The following SRPK2 variants were observed in gnomAD, a reference collection of about 807,000 sequenced individuals.
SRPK2 encodes SFRS protein kinase 2.
SRPK2 carries 21 observed loss-of-function variants against 90.8 expected under a neutral mutation model. That is an observed-to-expected ratio of 0.23 (90% CI 0.16 to 0.33). SRPK2 has a LOEUF of 0.33. SRPK2 is among the 10% of genes least tolerant of loss of function. SRPK2 has a pLI of 1.00. For missense variants in SRPK2, 620 were observed against 869.0 expected (o/e 0.71, Z 3.60); for synonymous variants, 288 against 311.1 (o/e 0.93, Z 0.78).
chr7:105,274,906 T>C (rs1355153752), intron 2 of SRPK2, among the ~76,000 whole-genome samples: 7 of 146,512 alleles, frequency 4.8e-5, no homozygotes, highest in Non-Finnish European at 9.1e-5. Context: ...TTTTTTTTTT[T>C]CCTTGAAGAC....
intron 7 of SRPK2, among the ~76,000 whole-genome samples, chr7:105,149,625 T>C (rs962182921): frequency 2.6e-5 from 4 of 152,290 alleles, no homozygotes; most frequent in African/African-American, 7.2e-5. Context: ...CCCACCCGAC[T>C]AGAAATACCC....
chr7:105,380,026 C>T (rs1015958182), intron 2 of SRPK2, among the ~76,000 whole-genome samples: 24 of 152,302 alleles, frequency 1.6e-4, no homozygotes, highest in Non-Finnish European at 3.1e-4. Flanking sequence ...CCTGCAGTCC[C>T]AGCTACTTGG....
At chr7:105,151,013 T>G (rs893082494) in intron 7 of SRPK2, among the ~76,000 whole-genome samples, 1 of 152,134 alleles carries the variant, frequency 6.6e-6, no homozygotes, top group African/African-American at 2.4e-5. Flanking sequence ...AGTGTGCAAA[T>G]GTGTTCACAT....
intron 2 of SRPK2, among the ~76,000 whole-genome samples, chr7:105,366,149 G>A (rs768689578): frequency 3.7e-4 from 56 of 151,138 alleles, no homozygotes; most frequent in Non-Finnish European, 5.5e-4. Flanking sequence ...CACCGCACCC[G>A]GCCTAATGAT....
chr7:105,202,278 A>G (rs1450042457), intron 3 of SRPK2, among the ~76,000 whole-genome samples: 3 of 152,252 alleles, frequency 2.0e-5, no homozygotes, highest in Admixed American at 1.3e-4. Flanking sequence ...ATCTATATCT[A>G]CTAGATAAAT....
chr7:105,237,364 T>A (rs1800264765), intron 2 of SRPK2, among the ~76,000 whole-genome samples: 1 of 152,240 alleles, frequency 6.6e-6, no homozygotes. Flanking sequence ...ATCTTCTCAG[T>A]ACATTCTGAA....
intron 2 of SRPK2, among the ~76,000 whole-genome samples, chr7:105,320,625 A>G (rs1167835731): frequency 6.6e-6 from 1 of 152,224 alleles, no homozygotes; most frequent in East Asian, 1.9e-4. Context: ...TTATAGTTAT[A>G]AAGCTAATTT....
rs146174552 is a variant in SRPK2, at chr7:105,255,363, T to C, written c.72-51578A>G. On this transcript the variant is annotated intron_variant, in intron 2 of 15. Transcript: ENST00000393651. ...ACTATCCTCCATCATAACCTTCTAC[T>C]GTGATCTGCATTTTCTCTGACCCCC... 3.9e-5 allele frequency among the ~76,000 whole-genome samples: 6 copies of C among 152,144 alleles called. No individual in the cohort carries two copies. In the South Asian group the frequency reaches 8.3e-4, roughly 21 times the overall value.
At chr7:105,323,699 A>G (rs2131578946) in intron 2 of SRPK2, among the ~76,000 whole-genome samples, 1 of 152,348 alleles carries the variant, frequency 6.6e-6, no homozygotes, top group East Asian at 1.9e-4. Flanking sequence ...CTTGCCTTTT[A>G]GAGTGAATAT....
At chr7:105,327,419 TA>T (rs1240977095) in intron 2 of SRPK2, among the ~76,000 whole-genome samples, 1 of 152,200 alleles carries the variant, frequency 6.6e-6, no homozygotes, top group African/African-American at 2.4e-5. Context: ...AGGTCTAAAT[TA>T]TTTATCTGGT....
chr7:105,318,762 C>G (rs1027642011), intron 2 of SRPK2, among the ~76,000 whole-genome samples: 1 of 152,204 alleles, frequency 6.6e-6, no homozygotes, highest in Non-Finnish European at 1.5e-5. Context: ...CTCCAGAAAA[C>G]TCTTGCACAC....
chr7:105,251,608 A>G (rs536924084), intron 2 of SRPK2, among the ~76,000 whole-genome samples: 49 of 152,320 alleles, frequency 3.2e-4, no homozygotes, highest in Non-Finnish European at 5.7e-4. Flanking sequence ...GAATATAATA[A>G]CACCTACCAT....
chr7:105,130,322 G>A (rs898157887), intron 13 of SRPK2, among the ~76,000 whole-genome samples: 5 of 152,148 alleles, frequency 3.3e-5, no homozygotes, highest in African/African-American at 4.8e-5. Flanking sequence ...AGACCAGGGC[G>A]GGTGGATCAC....
intron 2 of SRPK2, among the ~76,000 whole-genome samples, chr7:105,232,099 T>C (rs1799493709): frequency 6.6e-6 from 1 of 152,194 alleles, no homozygotes; most frequent in African/African-American, 2.4e-5. Flanking sequence ...AGCAATCCTC[T>C]TGCCTATATA....
chr7:105,158,278 G>A (rs1192798746), intron 7 of SRPK2, among the ~76,000 whole-genome samples: 1 of 150,306 alleles, frequency 6.7e-6, no homozygotes, highest in Non-Finnish European at 1.5e-5. Context: ...TCCCTGAGAT[G>A]GAGTCTTGTT....
chr7:105,330,909 C>A (rs755849477), intron 2 of SRPK2, among the ~76,000 whole-genome samples: 1 of 152,074 alleles, frequency 6.6e-6, no homozygotes, highest in Non-Finnish European at 1.5e-5. Context: ...AAGGAGGGTC[C>A]CTTGAATCCA....
chr7:105,245,033 A>AG, intron 2 of SRPK2: 1 of 608,946 alleles, frequency 1.6e-6, no homozygotes, highest in Non-Finnish European at 2.9e-6. Context: ...AAAACAAAAC[A>AG]AACACACACA....
intron 2 of SRPK2, among the ~76,000 whole-genome samples, chr7:105,310,512 C>T (rs896870445): frequency 6.6e-6 from 1 of 152,094 alleles, no homozygotes; most frequent in African/African-American, 2.4e-5. Context: ...GGCATGGTGG[C>T]ACACTCCTGT....
chr7:105,308,911 C>A (rs1260668211), intron 2 of SRPK2, among the ~76,000 whole-genome samples: 1 of 152,064 alleles, frequency 6.6e-6, no homozygotes, highest in African/African-American at 2.4e-5. Context: ...CCTACTAGGT[C>A]TCCTACCCCT....
Sources: gnomAD v4.1 joint callset for allele counts (sites outside exome capture counted in the v4.1 genomes callset) on GRCh38, gnomAD v4.1.1 for gene constraint, MANE v1.5 for transcripts, NCBI Gene and HGNC (gene_info 2026-07-23, HGNC 2026-07-21) for gene names.